The following UFSP2 variants were observed in gnomAD, a reference collection of about 807,000 sequenced individuals.
UFSP2 encodes UFM1 specific peptidase 2.
UFSP2 carries 43 observed loss-of-function variants against 60.2 expected under a neutral mutation model. That is an observed-to-expected ratio of 0.71 (90% CI 0.56 to 0.92). The LOEUF is 0.92. UFSP2 is among the 40% of genes least tolerant of loss of function. UFSP2 has a pLI of 0.00. For missense variants in UFSP2, 520 were observed against 575.0 expected (o/e 0.90, Z 0.98); for synonymous variants, 183 against 195.1 (o/e 0.94, Z 0.52).
intron 1 of UFSP2, among the ~76,000 whole-genome samples, chr4:185,424,736 G>A (rs1253693740): frequency 6.6e-6 from 1 of 152,166 alleles, no homozygotes; most frequent in Non-Finnish European, 1.5e-5. Flanking sequence ...ATAAAAGTTA[G>A]ACAGGAAAGA....
At chr4:185,416,564 G>T (rs531630123) in intron 4 of UFSP2, among the ~76,000 whole-genome samples, 6 of 152,254 alleles carry the variant, frequency 3.9e-5, no homozygotes, top group African/African-American at 9.6e-5. Context: ...AAGTGGAACT[G>T]GAGGTATCAA....
At chr4:185,414,597 T>A (rs1466676154) in intron 6 of UFSP2, among the ~76,000 whole-genome samples, 7 of 152,176 alleles carry the variant, frequency 4.6e-5, no homozygotes, top group Non-Finnish European at 7.4e-5. Flanking sequence ...ACGGTCTAAT[T>A]TGATAGGTTC....
At chr4:185,405,395 T>C (rs1321056253) in intron 10 of UFSP2, among the ~76,000 whole-genome samples, 1 of 152,204 alleles carries the variant, frequency 6.6e-6, no homozygotes, top group Non-Finnish European at 1.5e-5. Context: ...GATCAGCTAA[T>C]CCAATCTTCT....
Position 185,400,165 on chromosome 4 carries a change from C to A in UFSP2, c.*227G>T. 1 of 794,432 alleles carries A rather than the reference C, an allele frequency of 1.3e-6. No homozygotes were observed. Among genetic ancestry groups the A allele is most frequent in the Non-Finnish European group, 2.0e-6 (1 of 502,658 alleles). The allele number at this position is 794,432 out of a possible 1,614,324, so 49.2% of individuals were successfully genotyped here. ...TTCCAAGTGAAGATCCATTTAAGAACACATGTATTTACATGCCTATAATAT... is the reference window on the plus strand; with the variant it reads ...TTCCAAGTGAAGATCCATTTAAGAAAACATGTATTTACATGCCTATAATAT... On this transcript the variant is annotated 3_prime_UTR_variant, in exon 12 of 12. Coordinates refer to ENST00000264689, the MANE Select transcript of UFSP2 (RefSeq NM_018359.5).
intron 4 of UFSP2, among the ~76,000 whole-genome samples, chr4:185,418,161 C>T (rs1052115119): frequency 5.3e-5 from 8 of 151,856 alleles, no homozygotes; most frequent in Non-Finnish European, 1.2e-4. Context: ...ATTCAGAATG[C>T]GATTTAATTT....
At chr4:185,422,361 ACTTACTAACAATATAAT>A in intron 2 of UFSP2, 107 bp downstream of exon 2, 1 of 740,484 alleles carries the variant, frequency 1.4e-6, no homozygotes, top group Non-Finnish European at 2.3e-6. Context: ...CATTTAATGT[ACTTACTAACAATATAAT>A]CTTAGTTCAT....
chr4:185,413,739 A>G lies in UFSP2; in HGVS notation c.818T>C (p.Met273Thr), dbSNP rs1221947434. 1.2e-6 allele frequency: 2 copies of G among 1,610,932 alleles called. No homozygotes were observed. Among genetic ancestry groups the G allele is most frequent in the Non-Finnish European group, 8.5e-7 (1 of 1,179,122 alleles). The change falls in exon 7 of 12, where the codon ATG becomes ACG. Residue 273 changes from methionine to threonine, a missense_variant. Transcript: ENST00000264689. ...NPHTYLNPPNMETGMIYVVQG... is the reference protein window; with the variant it reads ...NPHTYLNPPNTETGMIYVVQG... ...AGTTAAACTCACCATACCAGTCTCCATGTTAGGTGGATTAAGGTAAGTATG... is the reference window on the plus strand; with the variant it reads ...AGTTAAACTCACCATACCAGTCTCCGTGTTAGGTGGATTAAGGTAAGTATG...
rs751538445 is a variant in UFSP2 at position 185,407,955 on chromosome 4, A to T, written c.1102T>A (p.Ser368Thr). 9 of 1,613,918 alleles carry T rather than the reference A, an allele frequency of 5.6e-6. No homozygotes were observed. Among genetic ancestry groups the T allele is most frequent in the Non-Finnish European group, 7.6e-6 (9 of 1,179,990 alleles). Residue 368 changes from serine (S) to threonine (T), a missense_variant, in exon 9 of 12, where the codon TCA becomes ACA. Physicochemically the swap from Ser to Thr is moderately conservative, Grantham distance 58. Coordinates refer to ENST00000264689, the MANE Select transcript of UFSP2 (RefSeq NM_018359.5). ...LVLNQLIGIT[S>T]KILFVSQGSE... ...GCTTACCTGACAAACAGGATTTTTGACGTTATACCGATCAATTGGTTTAGT... is the reference window on the plus strand; with the variant it reads ...GCTTACCTGACAAACAGGATTTTTGTCGTTATACCGATCAATTGGTTTAGT...
chr4:185,416,666 T>A (rs1561118024), intron 4 of UFSP2, among the ~76,000 whole-genome samples: 1 of 152,110 alleles, frequency 6.6e-6, no homozygotes. Flanking sequence ...AATGACTGAT[T>A]CTCCAGCTAG....
intron 7 of UFSP2, among the ~76,000 whole-genome samples, chr4:185,411,260 T>C (rs1156760623): frequency 6.7e-6 from 1 of 149,662 alleles, no homozygotes; most frequent in African/African-American, 2.5e-5. Context: ...CAAAACTAAA[T>C]TGGTTACTAA....
At chr4:185,403,361 A>G in intron 11 of UFSP2, 133 bp downstream of exon 11, 1 of 1,156,244 alleles carries the variant, frequency 8.6e-7, no homozygotes, top group Non-Finnish European at 1.2e-6. Context: ...GCTACTTACA[A>G]CAGCCTCAGA....
At chr4:185,422,429 C>A in intron 2 of UFSP2, 56 bp downstream of exon 2, 1 of 1,265,618 alleles carries the variant, frequency 7.9e-7, no homozygotes, top group East Asian at 2.3e-5. Context: ...TGGAAATAAT[C>A]TCAGTATATT....
rs1052076890 is a variant in UFSP2 at position 185,415,181 on chromosome 4, C to G, written c.658G>C (p.Asp220His). 5 of 1,601,192 alleles carry G rather than the reference C, an allele frequency of 3.1e-6. No individual in the cohort carries two copies. Among genetic ancestry groups the G allele is most frequent in the Non-Finnish European group, 4.2e-6 (5 of 1,177,222 alleles). The change falls in exon 6 of 12, where the codon GAT (aspartate) becomes CAT (histidine). Residue 220 changes from aspartate to histidine, a missense_variant. Asp to His is a moderately conservative substitution (Grantham distance 81). Coordinates refer to ENST00000264689, the MANE Select transcript of UFSP2 (RefSeq NM_018359.5). The stretch of plus-strand genomic sequence containing the variant: ...TTCCTATAGGCCTGCAGCTGGCCAT[C>G]TGGTATTCCTGAAGGATATGAAATT... ...VTISYPSGIPDGQLQAYRKEL... is the reference protein window; with the variant it reads ...VTISYPSGIPHGQLQAYRKEL...
intron 1 of UFSP2, 34 bp from the exon 2 acceptor site, chr4:185,422,597 G>T: frequency 1.4e-6 from 2 of 1,448,328 alleles, no homozygotes; most frequent in Non-Finnish European, 1.9e-6. Context: ...AAACTCCCTT[G>T]TAAAACAAAA....
At chr4:185,414,675 T>A (rs1342467802) in intron 6 of UFSP2, among the ~76,000 whole-genome samples, 1 of 152,240 alleles carries the variant, frequency 6.6e-6, no homozygotes, top group African/African-American at 2.4e-5. Flanking sequence ...TTACTTTGAA[T>A]GCTGGTCATG....
chr4:185,412,831 T>C (rs746223766), intron 7 of UFSP2, among the ~76,000 whole-genome samples: 6 of 152,134 alleles, frequency 3.9e-5, no homozygotes, highest in African/African-American at 7.2e-5. Context: ...CCCAGCTCTA[T>C]TGGTATTCCT....
At chr4:185,402,491 T>TC in intron 11 of UFSP2, 1 of 295,096 alleles carries the variant, frequency 3.4e-6, no homozygotes, top group South Asian at 3.0e-5. Context: ...AAACTTTTTT[T>TC]TGAGCTGGAA....
At chr4:185,406,987 A>T (rs1487510104) in intron 9 of UFSP2, among the ~76,000 whole-genome samples, 1 of 151,750 alleles carries the variant, frequency 6.6e-6, no homozygotes, top group Non-Finnish European at 1.5e-5. Flanking sequence ...TTAACAATAG[A>T]AAATGTATTT....
chr4:185,407,067 T>C (rs2095521856), intron 9 of UFSP2, among the ~76,000 whole-genome samples: 1 of 150,146 alleles, frequency 6.7e-6, no homozygotes, highest in African/African-American at 2.5e-5. Context: ...TTTTTTTTTT[T>C]TGAAAGGGAG....
Sources: gnomAD v4.1 joint callset for allele counts (sites outside exome capture counted in the v4.1 genomes callset) on GRCh38, gnomAD v4.1.1 for gene constraint, MANE v1.5 for transcripts, NCBI Gene and HGNC (gene_info 2026-07-23, HGNC 2026-07-21) for gene names.